The following GFI1B variants were observed in gnomAD, a reference collection of about 807,000 sequenced individuals.
The protein encoded by GFI1B is zinc finger protein Gfi-1b.
GFI1B carries 20 observed loss-of-function variants against 35.3 expected under a neutral mutation model. That is an observed-to-expected ratio of 0.57 (90% confidence interval 0.40 to 0.82). The LOEUF (loss-of-function observed/expected upper bound fraction) is 0.82. Among genes scored for constraint, GFI1B ranks in the 40% least tolerant of loss-of-function variants. The pLI, the probability that GFI1B is intolerant of heterozygous loss-of-function variation, is 0.00. For missense variants in GFI1B, 430 were observed against 446.3 expected (o/e 0.96, Z 0.33); for synonymous variants, 178 against 177.6 (o/e 1.00, Z -0.02).
intron 1 of GFI1B, among the ~76,000 whole-genome samples, chr9:132,967,627 G>T (rs1848468139): frequency 6.6e-6 from 1 of 152,140 alleles, no homozygotes; most frequent in Non-Finnish European, 1.5e-5. Context: ...AATTTTCTTA[G>T]GTACGATAAT....
chr9:132,985,480 G>A (rs998480083), intron 1 of GFI1B, among the ~76,000 whole-genome samples: 4 of 152,112 alleles, frequency 2.6e-5, no homozygotes, highest in African/African-American at 9.7e-5. Flanking sequence ...CAGTGGAGTT[G>A]GGGGTCCTCT....
chr9:132,983,888 C>A (rs920828259), intron 1 of GFI1B, among the ~76,000 whole-genome samples: 1 of 152,220 alleles, frequency 6.6e-6, no homozygotes, highest in Non-Finnish European at 1.5e-5. Context: ...AGACCCCAGT[C>A]CTTCCCTGCT....
At chr9:132,990,088 T>C (rs1459896382) in intron 6 of GFI1B, among the ~76,000 whole-genome samples, 181 bp downstream of exon 6, 1 of 152,120 alleles carries the variant, frequency 6.6e-6, no homozygotes, top group Non-Finnish European at 1.5e-5. Context: ...TGGAAAAAAA[T>C]ACAGGGAGGA....
At chr9:132,974,284 C>A (rs1052677189), upstream of GFI1B, among the ~76,000 whole-genome samples, 17 of 152,002 alleles carry the variant, frequency 1.1e-4, no homozygotes, top group African/African-American at 3.9e-4. Context: ...GAAGTTAGAG[C>A]AATAAATAAA....
rs749039556 is a variant in GFI1B, at chr9:132,988,246, C to G, written c.288C>G (p.Ser96=). 6.2e-7 allele frequency: 1 copy of G among 1,613,798 alleles called. No individual in the cohort carries two copies. Among genetic ancestry groups the G allele is most frequent in the Non-Finnish European group, 8.5e-7 (1 of 1,179,674 alleles). ...CCCAGGATGGGGACTCTCCACTGTC[C>G]GACTCACCCCCATTCTACAAGCCTA... ...SRPQDGDSPL[S]DSPPFYKPSF... is the part of the protein sequence containing the mutation. The change falls in exon 4 of 7, where the codon TCC becomes TCG. Residue 96 remains serine, a synonymous_variant. Transcript: ENST00000372122.
At chr9:132,992,134 T>G (rs1564182774), downstream of GFI1B, among the ~76,000 whole-genome samples, 1 of 152,170 alleles carries the variant, frequency 6.6e-6, no homozygotes, top group Non-Finnish European at 1.5e-5. Flanking sequence ...AGGCCGTCTG[T>G]GCCTCTGATC....
In GFI1B at chr9:132,968,595, T is replaced by C. The variant is rs372139990; in HGVS notation, c.-700-4130T>C. On this transcript the variant is annotated intron_variant, in intron 1 of 10. Coordinates refer to the GFI1B transcript ENST00000339463. ...ATTCGCTTTTTTGTTTGAAATTTTA[T>C]ATAATATAAATGTTTAAAAAATATT... Among the ~76,000 whole-genome samples, 9 of 152,326 alleles carry C rather than the reference T, an allele frequency of 5.9e-5. 2 individuals carry two copies.
chr9:132,993,329 G>C (rs1380966832), downstream of GFI1B, among the ~76,000 whole-genome samples: 4 of 152,008 alleles, frequency 2.6e-5, no homozygotes, highest in Non-Finnish European at 4.4e-5. Context: ...AGATACTAGG[G>C]CTTACCCTTT....
At chr9:132,984,398 C>T (rs1202751721) in intron 1 of GFI1B, among the ~76,000 whole-genome samples, 4 of 152,284 alleles carry the variant, frequency 2.6e-5, no homozygotes, top group Middle Eastern at 3.4e-3. Context: ...GGGCTGCCCC[C>T]GGCCCGAGCC....
intron 1 of GFI1B, among the ~76,000 whole-genome samples, chr9:132,982,263 C>A (rs888702778): frequency 6.6e-6 from 1 of 152,172 alleles, no homozygotes; most frequent in Non-Finnish European, 1.5e-5. Context: ...CCCAACCGTC[C>A]CTTTTAAGAG....
chr9:132,974,428 T>G (rs374963492), upstream of GFI1B, among the ~76,000 whole-genome samples: 10 of 151,648 alleles, frequency 6.6e-5, no homozygotes, highest in African/African-American at 2.4e-4. Context: ...GGTGAAACTC[T>G]ATCTCTACTA....
intron 1 of GFI1B, among the ~76,000 whole-genome samples, chr9:132,985,283 G>T (rs1406019028): frequency 6.6e-6 from 1 of 152,168 alleles, no homozygotes; most frequent in African/African-American, 2.4e-5. Flanking sequence ...GGAGTCCTGG[G>T]GTGGTCAAGT....
At chr9:132,947,318 C>G (rs1043932597) in intron 1 of GFI1B, 2 of 150,324 alleles carry the variant, frequency 1.3e-5, no homozygotes, top group Non-Finnish European at 2.9e-5. Context: ...CAGGCCACAG[C>G]AGGTGGACCA....
At chr9:132,964,547 A>G (rs1848419457) in intron 1 of GFI1B, among the ~76,000 whole-genome samples, 1 of 152,112 alleles carries the variant, frequency 6.6e-6, no homozygotes, top group Non-Finnish European at 1.5e-5. Context: ...TCATGCATCA[A>G]TGCCTGGTCA....
chr9:132,973,743 C>G (rs1848573868), upstream of GFI1B, among the ~76,000 whole-genome samples: 1 of 152,168 alleles, frequency 6.6e-6, no homozygotes, highest in Admixed American at 6.5e-5. Context: ...AATGAGAGGA[C>G]AGTTAGAAGG....
At chr9:132,964,652 G>A (rs1159404540) in intron 1 of GFI1B, among the ~76,000 whole-genome samples, 6 of 151,532 alleles carry the variant, frequency 4.0e-5, no homozygotes, top group Non-Finnish European at 7.4e-5. Flanking sequence ...GAGGACATCT[G>A]CCCAGCAACT....
upstream of GFI1B, chr9:132,975,163 C>A (rs1416879699): frequency 6.6e-6 from 1 of 152,214 alleles, no homozygotes; most frequent in Non-Finnish European, 1.5e-5. Flanking sequence ...TTGTGAAAAA[C>A]ACGGAGTATT....
At chr9:132,960,854 T>G (rs1848350791) in intron 1 of GFI1B, among the ~76,000 whole-genome samples, 1 of 151,826 alleles carries the variant, frequency 6.6e-6, no homozygotes, top group East Asian at 1.9e-4. Flanking sequence ...GGCCACCTCC[T>G]CTCTCAAATC....
chr9:132,974,545 T>G (rs149119221), upstream of GFI1B, among the ~76,000 whole-genome samples: 1 of 131,736 alleles, frequency 7.6e-6, no homozygotes, highest in Non-Finnish European at 1.5e-5. Flanking sequence ...GAGGTTGCAG[T>G]GAGCCGAGAT....
Sources: gnomAD v4.1 joint callset for allele counts (sites outside exome capture counted in the v4.1 genomes callset) on GRCh38, gnomAD v4.1.1 for gene constraint, MANE v1.5 for transcripts, NCBI Gene and HGNC (gene_info 2026-07-23, HGNC 2026-07-21) for gene names.